Variants in TUBB1 observed in about 807,000 individuals in gnomAD.
TUBB1 encodes the protein tubulin beta 1 class VI, also known as tubulin beta-1 chain.
TUBB1 carries 28 observed loss-of-function variants against 22.6 expected under a neutral mutation model. The ratio of observed to expected loss-of-function variants is 1.24; its 90% confidence interval spans 0.92 to 1.70. TUBB1 has a LOEUF of 1.70. Among genes scored for constraint, TUBB1 ranks in the 40% most tolerant of loss-of-function variants. The pLI is 0.00. For synonymous variants in TUBB1, 226 were observed against 238.0 expected (o/e 0.95, Z 0.46); for missense variants, 577 against 605.5 (o/e 0.95, Z 0.49).
In TUBB1 at chr20:59,026,384, A is replaced by G. The variant is rs965639681; in HGVS notation, c.*1601A>G. The G allele has an allele frequency of 1.3e-5, 2 of 152,252 alleles. No individual in the cohort carries two copies. The highest frequency in any genetic ancestry group is 4.8e-5 in the African/African-American group (2 of 41,462). The allele number at this position is 152,252 out of a possible 1,614,324, so 9.4% of individuals were successfully genotyped here. A position where few individuals can be genotyped will look rare whatever the true frequency, so the allele number is the denominator to read the frequency against. ...CTACCTATATACTTAGTTTGAAGTT[A>G]GTAACTTCCTGAGATGCTAAAGACT... On this transcript the variant is annotated 3_prime_UTR_variant, in exon 4 of 4. Coordinates refer to ENST00000217133, the MANE Select transcript of TUBB1 (RefSeq NM_030773.4).
At chr20:59,019,370 A>G (rs886302642), upstream of TUBB1, 4 of 826,242 alleles carry the variant, frequency 4.8e-6, no homozygotes, top group Admixed American at 1.9e-5. Flanking sequence ...TGGGGTGGAC[A>G]CACCCTTGGT....
Position 59,024,896 on chromosome 20 carries a change from G to A in TUBB1, c.*113G>A. 1.1e-6 allele frequency: 1 copy of A among 939,904 alleles called. No homozygotes were observed. Among genetic ancestry groups the A allele is most frequent in the Non-Finnish European group, 1.7e-6 (1 of 588,394 alleles). The allele number at this position is 939,904 out of a possible 1,614,324, so 58.2% of individuals were successfully genotyped here. ...TGCACTGCAGCACAGTGAATGATAT[G>A]CACTCACCATTAGCTTCGACACAGG... On this transcript the variant is annotated 3_prime_UTR_variant, in exon 4 of 4. Coordinates refer to ENST00000217133, the MANE Select transcript of TUBB1 (RefSeq NM_030773.4). The surrounding 1 kb of genome is among the most constrained non-coding windows in gnomAD (Gnocchi z 4.9).
rs1316858344 is a variant in TUBB1 at position 59,024,727 on chromosome 20, G to A, written c.1300G>A (p.Glu434Lys). The part of the protein sequence containing the change: ...QFQDAKAVLE[E>K]DEEVTEEAEM... ...TCAAGATGCCAAAGCAGTTCTAGAGGAAGATGAAGAGGTCACGGAGGAGGC... is the reference window on the plus strand; with the variant it reads ...TCAAGATGCCAAAGCAGTTCTAGAGAAAGATGAAGAGGTCACGGAGGAGGC... Residue 434 changes from glutamate (E) to lysine (K), a missense_variant, in exon 4 of 4, where the codon GAA becomes AAA. Coordinates refer to ENST00000217133, the MANE Select transcript of TUBB1 (RefSeq NM_030773.4). The surrounding 1 kb of genome is among the most constrained non-coding windows in gnomAD (Gnocchi z 4.9). 6.2e-7 allele frequency: 1 copy of A among 1,614,160 alleles called. No homozygotes were observed. Among genetic ancestry groups the A allele is most frequent in the South Asian group, 1.1e-5 (1 of 91,068 alleles).
At chr20:59,017,015 T>G (rs2091947969), upstream of TUBB1, among the ~76,000 whole-genome samples, 1 of 151,850 alleles carries the variant, frequency 6.6e-6, no homozygotes, top group Non-Finnish European at 1.5e-5. Context: ...TTGTTACCAC[T>G]TTGCCCCTTT....
At position 59,024,348 on chromosome 20, in the gene TUBB1, T is replaced by C; in HGVS notation, c.921T>C (p.Arg307=). The C allele has an allele frequency of 5.0e-6, 8 of 1,614,138 alleles. 1 individual carries two copies. In the African/African-American group the frequency reaches 6.7e-5, roughly 13 times the overall value. The change falls in exon 4 of 4, where the codon CGT becomes CGC. Residue 307 remains arginine, a synonymous_variant. Transcript: ENST00000217133. The surrounding 1 kb of genome is among the most constrained non-coding windows in gnomAD (Gnocchi z 4.9). The part of the protein sequence containing the change: ...RNTMAACDLR[R]GRYLTVACIF... ...CCATGGCTGCCTGTGACCTCCGCCG[T>C]GGCCGCTACCTCACAGTGGCCTGCA...
rs2091992006 is a variant in TUBB1, at chr20:59,025,926, TAC to T, written c.*1145_*1146del. The T allele has an allele frequency of 6.6e-6, 1 of 152,254 alleles. No homozygotes were observed. The highest frequency in any genetic ancestry group is 1.5e-5 in the Non-Finnish European group (1 of 68,046). The allele number at this position is 152,254 out of a possible 1,614,324, so 9.4% of individuals were successfully genotyped here. A position where few individuals can be genotyped will look rare whatever the true frequency, so the allele number is the denominator to read the frequency against. On this transcript the variant is annotated 3_prime_UTR_variant, in exon 4 of 4. Transcript: ENST00000217133. ...ATCAAATCATCTGTAACTTCTTAAT[TAC>T]AGTTTACCTATTTCTGACATGCAGC...
upstream of TUBB1, chr20:59,019,317 C>T: frequency 3.2e-6 from 2 of 624,760 alleles, no homozygotes; most frequent in South Asian, 3.7e-5. Flanking sequence ...AGGCAGAAAG[C>T]AGAGAAGGGC....
At position 59,024,181 on chromosome 20, in the gene TUBB1, A is replaced by G; in HGVS notation, c.754A>G (p.Lys252Glu). ...GGGTCAGCTCAACGCAGACCTGCGC[A>G]AGCTGGCGGTGAACATGGTCCCCTT... ...FPGQLNADLR[K>E]LAVNMVPFPR... The change falls in exon 4 of 4, where the codon AAG (lysine) becomes GAG (glutamate). Residue 252 changes from lysine (K) to glutamate (E), a missense_variant. Transcript: ENST00000217133. This position sits in a 1 kb window ranked among gnomAD's most constrained non-coding sequence, Gnocchi z 4.9. The G allele has an allele frequency of 6.2e-7, 1 of 1,614,180 alleles. No individual in the cohort carries two copies. The highest frequency in any genetic ancestry group is 8.5e-7 in the Non-Finnish European group (1 of 1,180,026).
Position 59,022,963 on chromosome 20 carries a change from G to T in TUBB1, c.166+10G>T, listed in dbSNP as rs367852878. The T allele has an allele frequency of 8.7e-6, 14 of 1,611,332 alleles. No homozygotes were observed. The African/African-American group carries it at 1.9e-4, about 22-fold the overall frequency. ...TACAACGAAGCCTACGGTAGGACTG[G>T]CGGGGCTCTGGGAGCAGTGGTCCCG... On this transcript the variant is annotated intron_variant, in intron 2 of 3. Coordinates refer to ENST00000217133, the MANE Select transcript of TUBB1 (RefSeq NM_030773.4).
chr20:59,024,222 C>A lies in TUBB1; in HGVS notation c.795C>A (p.Phe265Leu). The A allele has an allele frequency of 6.2e-7, 1 of 1,614,148 alleles. No homozygotes were observed. The highest frequency in any genetic ancestry group is 8.5e-7 in the Non-Finnish European group (1 of 1,180,036). The part of the protein sequence containing the change: ...VNMVPFPRLH[F>L]FMPGFAPLTA... ...TGGTCCCCTTCCCCCGCCTGCACTTCTTTATGCCCGGCTTTGCCCCACTCA... is the reference window on the plus strand; with the variant it reads ...TGGTCCCCTTCCCCCGCCTGCACTTATTTATGCCCGGCTTTGCCCCACTCA... Residue 265 changes from phenylalanine to leucine, a missense_variant, in exon 4 of 4, where the codon TTC becomes TTA. By Grantham distance (22) the Phe-to-Leu change is conservative (BLOSUM62 0). Transcript: ENST00000217133. The surrounding 1 kb of genome is among the most constrained non-coding windows in gnomAD (Gnocchi z 4.9).
In TUBB1 at chr20:59,026,087, G is replaced by A. The variant is rs576706620; in HGVS notation, c.*1304G>A. 1 of 152,278 alleles carries A rather than the reference G, an allele frequency of 6.6e-6. No individual in the cohort carries two copies. The highest frequency in any genetic ancestry group is 2.1e-4 in the South Asian group (1 of 4,824). The allele number at this position is 152,278 out of a possible 1,614,324, so 9.4% of individuals were successfully genotyped here. The stretch of plus-strand genomic sequence containing the variant: ...TCAATGCAGTAAATATTTACTTGCA[G>A]GCAACTGGGTTCTCATCTCTTGATT... On this transcript the variant is annotated 3_prime_UTR_variant, in exon 4 of 4. Coordinates refer to ENST00000217133, the MANE Select transcript of TUBB1 (RefSeq NM_030773.4).
intron 3 of TUBB1, 35 bp downstream of exon 3, chr20:59,023,635 G>T (rs1322795725): frequency 1.9e-6 from 3 of 1,613,166 alleles, no homozygotes; most frequent in African/African-American, 1.3e-5. Flanking sequence ...CAGGAGGAGG[G>T]GGGGATGCTT....
chr20:59,016,639 G>T (rs1568687319), upstream of TUBB1, among the ~76,000 whole-genome samples: 1 of 152,200 alleles, frequency 6.6e-6, no homozygotes, highest in Non-Finnish European at 1.5e-5. Flanking sequence ...CAGGAGAAAG[G>T]CTGGAAGTGA....
chr20:59,022,775 G>A (rs2091973396), intron 1 of TUBB1, 70 bp from the exon 2 acceptor site: 1 of 1,428,066 alleles, frequency 7.0e-7, no homozygotes, highest in Non-Finnish European at 9.8e-7. Context: ...GCTTGGGAAT[G>A]CTAACTTTCT....
rs1041627561 is a variant in TUBB1 at position 59,025,830 on chromosome 20, T to C, written c.*1047T>C. On this transcript the variant is annotated 3_prime_UTR_variant, in exon 4 of 4. Coordinates refer to ENST00000217133, the MANE Select transcript of TUBB1 (RefSeq NM_030773.4). ...GAAGTTGCCATAAATGTTTGCATAATGACATAGCTTTAAGCACTACATGAT... is the reference window on the plus strand; with the variant it reads ...GAAGTTGCCATAAATGTTTGCATAACGACATAGCTTTAAGCACTACATGAT... 3.3e-5 allele frequency: 5 copies of C among 152,280 alleles called. No homozygotes were observed. The highest frequency in any genetic ancestry group is 1.2e-4 in the African/African-American group (5 of 41,478). The allele number at this position is 152,280 out of a possible 1,614,324, so 9.4% of individuals were successfully genotyped here.
At position 59,019,599 on chromosome 20, in the gene TUBB1, T is replaced by C. The variant is rs930562080; in HGVS notation, c.57+20T>C. On this transcript the variant is annotated intron_variant, in intron 1 of 3. Coordinates refer to ENST00000217133, the MANE Select transcript of TUBB1 (RefSeq NM_030773.4). ...GCCAAGGTAAGTAATGTCTGGTTAC[T>C]AATCCTAGCTTTACCACAGTCCATA... 2 of 1,613,670 alleles carry C rather than the reference T, an allele frequency of 1.2e-6. No homozygotes were observed. The highest frequency in any genetic ancestry group is 1.7e-6 in the Non-Finnish European group (2 of 1,179,660).
intron 1 of TUBB1, 91 bp downstream of exon 1, chr20:59,019,670 TA>T (rs2091959411): frequency 1.5e-6 from 2 of 1,318,766 alleles, no homozygotes; most frequent in African/African-American, 2.9e-5. Context: ...GGGAAGACAA[TA>T]AGTCTAGCAG....
rs765604740 is a variant in TUBB1 at position 59,024,433 on chromosome 20, AG to A, written c.1008del (p.Asn337ThrfsTer25). 8 of 1,614,258 alleles carry A rather than the reference AG, an allele frequency of 5.0e-6. No homozygotes were observed. The highest frequency in any genetic ancestry group is 1.6e-4 in the Middle Eastern group (1 of 6,062). On this transcript the variant is annotated frameshift_variant, in exon 4 of 4. Transcript: ENST00000217133. LOFTEE classifies it low-confidence loss of function (END_TRUNC). The surrounding 1 kb of genome is among the most constrained non-coding windows in gnomAD (Gnocchi z 4.9). Reference sequence around the variant, plus strand: ...CCAGCAACTGCTCTCCGTGCAGACCAGGAACAGCAGCTGCTTTGTGGAGTGG... The same window carrying A: ...CCAGCAACTGCTCTCCGTGCAGACCAGAACAGCAGCTGCTTTGTGGAGTGG... ...VDQQLLSVQTRNSSCFVEWIP... is the reference protein window; with the variant it reads ...VDQQLLSVQTXNSSCFVEWIP...
chr20:59,021,464 T>G (rs1465652430), intron 1 of TUBB1, among the ~76,000 whole-genome samples: 1 of 152,214 alleles, frequency 6.6e-6, no homozygotes, highest in East Asian at 1.9e-4. Flanking sequence ...TGGCTGGGGT[T>G]TTTAACATAC....
Sources: gnomAD v4.1 joint callset for allele counts (sites outside exome capture counted in the v4.1 genomes callset) on GRCh38, gnomAD v4.1.1 for gene constraint, Gnocchi (gnomAD v3.1) non-coding constraint, MANE v1.5 for transcripts, NCBI Gene and HGNC (gene_info 2026-07-23, HGNC 2026-07-21) for gene names.